ZNF385B: variants seen among roughly 807,000 people sequenced by gnomAD.
ZNF385B encodes the protein zinc finger protein 533.
In ZNF385B, 23 loss-of-function variants were observed where a neutral mutation model predicts 39.2. That is an observed-to-expected ratio of 0.59 (90% CI 0.42 to 0.83). The LOEUF is 0.83. ZNF385B is among the 40% of genes least tolerant of loss of function. ZNF385B has a pLI of 0.00. For missense variants in ZNF385B, 552 were observed against 598.9 expected (o/e 0.92, Z 0.82); for synonymous variants, 205 against 222.6 (o/e 0.92, Z 0.70).
intron 3 of ZNF385B, among the ~76,000 whole-genome samples, chr2:179,731,867 C>T (rs762340325): frequency 3.3e-5 from 5 of 152,196 alleles, no homozygotes; most frequent in East Asian, 3.9e-4. Context: ...CGGAAATGTG[C>T]ACACCAGGCC....
chr2:179,507,441 A>G (rs1236951557), intron 5 of ZNF385B, among the ~76,000 whole-genome samples: 3 of 152,124 alleles, frequency 2.0e-5, no homozygotes, highest in African/African-American at 7.2e-5. Context: ...AAATACAAGG[A>G]TAACATGTAG....
intron 3 of ZNF385B, among the ~76,000 whole-genome samples, chr2:179,614,193 G>A (rs184452883): frequency 4.0e-5 from 6 of 151,466 alleles, no homozygotes; most frequent in Non-Finnish European, 5.9e-5. Context: ...ATCACTCCCC[G>A]GATTTTTTGC....
chr2:179,573,584 C>A (rs2106005217), intron 3 of ZNF385B, among the ~76,000 whole-genome samples: 1 of 151,956 alleles, frequency 6.6e-6, no homozygotes, highest in Non-Finnish European at 1.5e-5. Flanking sequence ...AAAGTTAGGT[C>A]TTTTTAAAAA....
chr2:179,498,828 G>T (rs946544024), intron 5 of ZNF385B, among the ~76,000 whole-genome samples: 1 of 151,054 alleles, frequency 6.6e-6, no homozygotes, highest in African/African-American at 2.4e-5. Context: ...GAATAGAGTA[G>T]AAATAAATAA....
intron 1 of ZNF385B, among the ~76,000 whole-genome samples, chr2:179,797,135 T>C (rs1705715499): frequency 6.6e-6 from 1 of 152,160 alleles, no homozygotes; most frequent in South Asian, 2.1e-4. Context: ...TTCTCCATAA[T>C]ACAACCTCTG....
intron 5 of ZNF385B, among the ~76,000 whole-genome samples, chr2:179,516,483 G>A (rs2058098151): frequency 6.6e-6 from 1 of 152,084 alleles, no homozygotes; most frequent in South Asian, 2.1e-4. Flanking sequence ...TCTAATAGGT[G>A]TAGTGCTATC....
intron 6 of ZNF385B, among the ~76,000 whole-genome samples, chr2:179,471,080 C>T (rs1478953474): frequency 1.3e-5 from 2 of 152,080 alleles, no homozygotes; most frequent in African/African-American, 4.8e-5. Flanking sequence ...GGGCTGGTTC[C>T]TCAAGGGGGC....
intron 3 of ZNF385B, among the ~76,000 whole-genome samples, chr2:179,707,759 C>T (rs989033956): frequency 2.0e-5 from 3 of 152,220 alleles, no homozygotes; most frequent in Admixed American, 1.3e-4. Context: ...GGAAAGGAGA[C>T]AGCTAAAGGA....
chr2:179,682,711 C>A (rs1697611773), intron 3 of ZNF385B, among the ~76,000 whole-genome samples: 1 of 152,146 alleles, frequency 6.6e-6, no homozygotes, highest in African/African-American at 2.4e-5. Flanking sequence ...GGTCTCCAAT[C>A]CTCTTACATT....
At chr2:179,742,594 T>C (rs1487716367) in intron 3 of ZNF385B, among the ~76,000 whole-genome samples, 1 of 151,986 alleles carries the variant, frequency 6.6e-6, no homozygotes, top group Non-Finnish European at 1.5e-5. Flanking sequence ...AGTTCATTAA[T>C]AGGAAGTAGG....
At chr2:179,848,472 TC>T (rs1323059591) in intron 1 of ZNF385B, among the ~76,000 whole-genome samples, 1 of 152,222 alleles carries the variant, frequency 6.6e-6, no homozygotes, top group Non-Finnish European at 1.5e-5. Flanking sequence ...TGCAGTTTGT[TC>T]TTTACAACCT....
At chr2:179,737,950 T>A (rs1021630248) in intron 3 of ZNF385B, among the ~76,000 whole-genome samples, 1 of 152,200 alleles carries the variant, frequency 6.6e-6, no homozygotes, top group Non-Finnish European at 1.5e-5. Context: ...GAACAAATGG[T>A]CACTCATGCA....
At chr2:179,705,582 C>A (rs1575291981) in intron 3 of ZNF385B, among the ~76,000 whole-genome samples, 1 of 152,198 alleles carries the variant, frequency 6.6e-6, no homozygotes, top group Non-Finnish European at 1.5e-5. Flanking sequence ...GCTGTGGTAA[C>A]CCCTAGAAAC....
intron 3 of ZNF385B, among the ~76,000 whole-genome samples, chr2:179,704,004 T>C (rs528514834): frequency 6.6e-6 from 1 of 152,272 alleles, no homozygotes; most frequent in Non-Finnish European, 1.5e-5. Flanking sequence ...ATCCCAAAAG[T>C]CACAGGCTAG....
At chr2:179,482,319 A>T (rs2054089111) in intron 6 of ZNF385B, among the ~76,000 whole-genome samples, 1 of 152,222 alleles carries the variant, frequency 6.6e-6, no homozygotes, top group East Asian at 1.9e-4. Flanking sequence ...TGTGTTTCCC[A>T]CAAGAGGGAG....
At chr2:179,587,991 C>T (rs1424507727) in intron 3 of ZNF385B, among the ~76,000 whole-genome samples, 1 of 152,182 alleles carries the variant, frequency 6.6e-6, no homozygotes, top group Middle Eastern at 3.2e-3. Context: ...ATACAAAGAC[C>T]TGACATACTG....
chr2:179,525,980 A>G (rs2058859075), intron 4 of ZNF385B, among the ~76,000 whole-genome samples: 1 of 152,166 alleles, frequency 6.6e-6, no homozygotes, highest in Non-Finnish European at 1.5e-5. Flanking sequence ...TTTTTCTCTT[A>G]AAGATCAAGA....
At chr2:179,809,835 G>A (rs1378503968) in intron 1 of ZNF385B, among the ~76,000 whole-genome samples, 4 of 151,774 alleles carry the variant, frequency 2.6e-5, no homozygotes. Flanking sequence ...AAGAACTGTG[G>A]GAAAATGACT....
intron 1 of ZNF385B, among the ~76,000 whole-genome samples, chr2:179,817,997 C>T (rs1423236185): frequency 6.6e-6 from 1 of 151,808 alleles, no homozygotes; most frequent in Non-Finnish European, 1.5e-5. Context: ...AAACAAGCAA[C>T]CATGTATGGG....
Sources: allele counts gnomAD v4.1 joint callset (sites outside exome capture counted in the v4.1 genomes callset), GRCh38; gene constraint gnomAD v4.1.1; transcripts MANE v1.5; gene names NCBI Gene and HGNC (gene_info 2026-07-23, HGNC 2026-07-21).